Variants in MED21 observed in about 807,000 individuals in gnomAD.
MED21 encodes the protein mediator complex subunit 21.
In MED21, 9 loss-of-function variants were observed where a neutral mutation model predicts 18.2. The ratio of observed to expected loss-of-function variants is 0.49; its 90% confidence interval spans 0.30 to 0.86. The LOEUF is 0.86. Among genes scored for constraint, MED21 ranks in the 40% least tolerant of loss-of-function variants. MED21 has a pLI of 0.07. For missense variants in MED21, 150 were observed against 170.9 expected (o/e 0.88, Z 0.68); for synonymous variants, 73 against 60.5 (o/e 1.21, Z -0.96).
chr12:27,031,283 T>C (rs1228537418), downstream of MED21, among the ~76,000 whole-genome samples: 1 of 152,198 alleles, frequency 6.6e-6, no homozygotes, highest in East Asian at 1.9e-4. Context: ...CTTTCAAGAA[T>C]GGTACCTCCT....
chr12:27,038,350 A>C (rs1299317366), intron 2 of MED21: 1 of 152,210 alleles, frequency 6.6e-6, no homozygotes, highest in Non-Finnish European at 1.5e-5. Flanking sequence ...AAAATGTAAG[A>C]TATCTAGGGA....
chr12:27,033,322 A>C (rs981935044), downstream of MED21, among the ~76,000 whole-genome samples: 3 of 152,162 alleles, frequency 2.0e-5, no homozygotes, highest in Admixed American at 6.5e-5. Flanking sequence ...ATGGTAGAAG[A>C]AGCAAGGGAA....
chr12:27,030,971 G>C (rs190677479), downstream of MED21, among the ~76,000 whole-genome samples: 1 of 152,124 alleles, frequency 6.6e-6, no homozygotes, highest in Non-Finnish European at 1.5e-5. Flanking sequence ...GCAATGGCAC[G>C]ATCTTGGCTC....
intron 2 of MED21, among the ~76,000 whole-genome samples, chr12:27,036,842 C>G (rs1403327611): frequency 6.6e-6 from 1 of 152,086 alleles, no homozygotes; most frequent in African/African-American, 2.4e-5. Context: ...GTTACTGTAG[C>G]CTTGTAGTAT....
At chr12:27,027,708 T>G (rs1051429064) in intron 3 of MED21, among the ~76,000 whole-genome samples, 1 of 152,202 alleles carries the variant, frequency 6.6e-6, no homozygotes, top group African/African-American at 2.4e-5. Context: ...TTGAGGGCCT[T>G]CTTCCTGTTT....
chr12:27,025,768 G>A (rs1941536808), intron 1 of MED21, among the ~76,000 whole-genome samples: 1 of 152,202 alleles, frequency 6.6e-6, no homozygotes, highest in African/African-American at 2.4e-5. Flanking sequence ...GACTAGGTGA[G>A]AGAAATTGGT....
At chr12:27,034,571 C>T (rs1003177600), downstream of MED21, among the ~76,000 whole-genome samples, 5 of 151,976 alleles carry the variant, frequency 3.3e-5, no homozygotes, top group Admixed American at 6.6e-5. Flanking sequence ...CTCAGCCTCC[C>T]GAGTAGCTGG....
chr12:27,028,184 T>A (rs1259744188), intron 3 of MED21, 101 bp from the exon 4 acceptor site: 1 of 1,368,752 alleles, frequency 7.3e-7, no homozygotes, highest in Non-Finnish European at 9.7e-7. Flanking sequence ...CTGAAAAACA[T>A]ATCACAATGA....
chr12:27,028,466 A>G lies in MED21; in HGVS notation c.*5A>G, dbSNP rs1286695075. ...CAGTCTCTTCCAGACTCATAGCATC[A>G]GTGGATACCATGTGGCTGAGAAAAG... On this transcript the variant is annotated 3_prime_UTR_variant, in exon 4 of 4. Transcript: ENST00000282892. The G allele has an allele frequency of 1.9e-6, 3 of 1,611,342 alleles. No individual in the cohort carries two copies. The highest frequency in any genetic ancestry group is 1.7e-5 in the Admixed American group (1 of 59,882).
intron 1 of MED21, among the ~76,000 whole-genome samples, chr12:27,025,942 C>T (rs139867563): frequency 1.8e-4 from 28 of 152,336 alleles, no homozygotes; most frequent in African/African-American, 6.0e-4. Context: ...CTCTTCCTCA[C>T]TATTTCTTTA....
chr12:27,032,815 C>G (rs143303894), downstream of MED21, among the ~76,000 whole-genome samples: 1 of 152,262 alleles, frequency 6.6e-6, no homozygotes, highest in African/African-American at 2.4e-5. Flanking sequence ...TAACTTGACC[C>G]AATTTTATGC....
At position 27,028,264 on chromosome 12, in the gene MED21, T is replaced by A. The variant is rs777211507; in HGVS notation, c.259-21T>A. On this transcript the variant is annotated intron_variant, in intron 3 of 3. Coordinates refer to ENST00000282892, the MANE Select transcript of MED21 (RefSeq NM_004264.5). ...TTCTCTTTCTAAACTCTAAAGATTT[T>A]AAAATTTGTGTCTTATAAAGGCTGC... is the stretch of plus-strand genomic sequence containing the variant. The A allele has an allele frequency of 6.3e-6, 10 of 1,576,932 alleles. No homozygotes were observed. The Admixed American group carries it at 1.1e-4, about 17-fold the overall frequency.
At position 27,028,881 on chromosome 12, in the gene MED21, C is replaced by T; in HGVS notation, c.*420C>T. On this transcript the variant is annotated 3_prime_UTR_variant, in exon 4 of 4. Transcript: ENST00000282892. Reference sequence around the variant, plus strand: ...ATTTTAGTTTGGGCTAGTGTCCTGCCTCTTAGAGGTGGCATTGTGTAAATC... The same window carrying T: ...ATTTTAGTTTGGGCTAGTGTCCTGCTTCTTAGAGGTGGCATTGTGTAAATC... 1.0e-6 allele frequency: 1 copy of T among 986,372 alleles called. No homozygotes were observed. Among genetic ancestry groups the T allele is most frequent in the Non-Finnish European group, 1.2e-6 (1 of 830,490 alleles). 61.1% of individuals were successfully genotyped at this position (986,372 alleles called of 1,614,324 possible).
chr12:27,036,216 T>C (rs1941648724), intron 2 of MED21, among the ~76,000 whole-genome samples: 1 of 152,134 alleles, frequency 6.6e-6, no homozygotes, highest in South Asian at 2.1e-4. Flanking sequence ...TTCAGTGTCT[T>C]TTGGCTGCAT....
At chr12:27,024,976 T>A (rs1347655943) in intron 1 of MED21, among the ~76,000 whole-genome samples, 2 of 152,242 alleles carry the variant, frequency 1.3e-5, no homozygotes, top group Non-Finnish European at 2.9e-5. Context: ...TTCTACCCTC[T>A]GAAAACCGTG....
chr12:27,028,955 A>T lies in MED21; in HGVS notation c.*494A>T. ...GGAAATTGTGTTGCTTTTAAGAAAT[A>T]GAGTTAGTGTGGCTGGATAAGAAAG... On this transcript the variant is annotated 3_prime_UTR_variant, in exon 4 of 4. Transcript: ENST00000282892. 1.0e-6 allele frequency: 1 copy of T among 985,556 alleles called. No individual in the cohort carries two copies. The highest frequency in any genetic ancestry group is 1.2e-6 in the Non-Finnish European group (1 of 830,038). 61.1% of individuals were successfully genotyped at this position (985,556 alleles called of 1,614,324 possible).
At chr12:27,027,133 T>TG (rs1024071905) in intron 2 of MED21, among the ~76,000 whole-genome samples, 41 of 152,296 alleles carry the variant, frequency 2.7e-4, no homozygotes, top group African/African-American at 9.4e-4. Context: ...TTCACCATGT[T>TG]GGTCAGGCTG....
chr12:27,034,870 C>G (rs1941639979), downstream of MED21, among the ~76,000 whole-genome samples: 1 of 152,164 alleles, frequency 6.6e-6, no homozygotes, highest in African/African-American at 2.4e-5. Context: ...TATGCCTCAG[C>G]CTCCTGAGTA....
rs952326652 is a variant in MED21, at chr12:27,030,277, G to T, written c.*1816G>T. ...CTTCAGTAACTGGGACTACAGGCAT[G>T]TACTACCACGTCCAGCTAATTTTTT... On this transcript the variant is annotated 3_prime_UTR_variant, in exon 4 of 4. Coordinates refer to ENST00000282892, the MANE Select transcript of MED21 (RefSeq NM_004264.5). The T allele has an allele frequency of 2.5e-5, 13 of 520,810 alleles. No homozygotes were observed. The highest frequency in any genetic ancestry group is 1.2e-4 in the African/African-American group (6 of 51,378). The allele number at this position is 520,810 out of a possible 1,614,324, so 32.3% of individuals were successfully genotyped here. A position where few individuals can be genotyped will look rare whatever the true frequency, so the allele number is the denominator to read the frequency against.
Sources: allele counts gnomAD v4.1 joint callset (sites outside exome capture counted in the v4.1 genomes callset), GRCh38; gene constraint gnomAD v4.1.1; transcripts MANE v1.5; gene names NCBI Gene and HGNC (gene_info 2026-07-23, HGNC 2026-07-21).